Variants in ADARB2 observed in about 807,000 individuals in gnomAD.
The protein encoded by ADARB2 is adenosine deaminase RNA specific B2 (inactive), also known as inactive double-stranded RNA-specific editase B2.
In ADARB2, 25 loss-of-function variants were observed where a neutral mutation model predicts 62.2. The observed-to-expected ratio is 0.40, with a 90% confidence interval of 0.29 to 0.56. The LOEUF is 0.56. ADARB2 is among the 20% of genes least tolerant of loss of function. The pLI is 0.43. For synonymous variants in ADARB2, 572 were observed against 500.8 expected, an observed-to-expected ratio of 1.14 and a Z score of -1.90; for missense variants, 1,071 against 1,077.4, an observed-to-expected ratio of 0.99 and a Z score of 0.08.
intron 1 of ADARB2, among the ~76,000 whole-genome samples, chr10:1,384,673 C>T (rs1377075655): frequency 6.6e-6 from 1 of 152,208 alleles, no homozygotes; most frequent in Non-Finnish European, 1.5e-5. Flanking sequence ...AAGCTCTTTT[C>T]AGCAGTAGAA....
intron 3 of ADARB2, among the ~76,000 whole-genome samples, chr10:1,288,682 C>G (rs1831436215): frequency 6.6e-6 from 1 of 152,182 alleles, no homozygotes; most frequent in African/African-American, 2.4e-5. Flanking sequence ...CAAATGCTGC[C>G]TCTTAGATGA....
chr10:1,600,013 G>A (rs1032956629), intron 1 of ADARB2, among the ~76,000 whole-genome samples: 1 of 152,152 alleles, frequency 6.6e-6, no homozygotes, highest in Non-Finnish European at 1.5e-5. Flanking sequence ...CCAAAGTGCT[G>A]GGATTACAGA....
rs904957 is a variant in ADARB2 at position 1,182,356 on chromosome 10, G to A, written c.*837C>T. On this transcript the variant is annotated 3_prime_UTR_variant, in exon 10 of 10. Transcript: ENST00000381312. ...AACAGGCATGGGCCAGGTGTTTCCG[G>A]GCTCCCCACATCTGCAGCACGCGTG... 0.61 allele frequency: 63,794 copies of A among 105,408 alleles called. 25,638 individuals are homozygous for A. The highest frequency in any genetic ancestry group is 0.83 in the Middle Eastern group (184 of 222). The allele number at this position is 105,408 out of a possible 1,614,324, so 6.5% of individuals were successfully genotyped here. A position where few individuals can be genotyped will look rare whatever the true frequency, so the allele number is the denominator to read the frequency against.
chr10:1,410,267 G>A (rs1313092213), intron 1 of ADARB2, among the ~76,000 whole-genome samples: 29 of 134,898 alleles, frequency 2.1e-4, no homozygotes, highest in African/African-American at 1.1e-3. Context: ...AGGCCTGGCC[G>A]TGGTCATGGG....
Position 1,419,856 on chromosome 10 carries a change from T to C in ADARB2, c.101-40696A>G, listed in dbSNP as rs139903145. Among the ~76,000 whole-genome samples, 626 of 152,244 alleles carry C rather than the reference T, an allele frequency of 4.1e-3. 4 individuals carry two copies. The highest frequency in any genetic ancestry group is 7.4e-3 in the Non-Finnish European group (502 of 68,020). ...CATCTCTGCATATGTGTTTTAAGAG[T>C]CTTTAGATAAAAGATGAATCAAAGT... On this transcript the variant is annotated intron_variant, in intron 1 of 9. Coordinates refer to ENST00000381312, the MANE Select transcript of ADARB2 (RefSeq NM_018702.4).
intron 1 of ADARB2, among the ~76,000 whole-genome samples, chr10:1,579,687 C>A (rs1031677594): frequency 2.6e-5 from 4 of 152,178 alleles, no homozygotes; most frequent in African/African-American, 9.7e-5. Context: ...TTTAAATATG[C>A]TAGTTTATCA....
chr10:1,211,888 G>A (rs1350140982), intron 7 of ADARB2, among the ~76,000 whole-genome samples: 1 of 152,214 alleles, frequency 6.6e-6, no homozygotes, highest in Non-Finnish European at 1.5e-5. Flanking sequence ...ACTATATTTA[G>A]TTCTAAGTTT....
rs1428117101 is a variant in ADARB2 at position 1,737,227 on chromosome 10, C to CGCCGCT, written c.-83_-78dup. 6.7e-7 allele frequency: 1 copy of CGCCGCT among 1,488,688 alleles called. No individual in the cohort carries two copies. The highest frequency in any genetic ancestry group is 1.4e-5 in the African/African-American group (1 of 72,622). 92.2% of individuals were successfully genotyped at this position (1,488,688 alleles called of 1,614,324 possible). The stretch of plus-strand genomic sequence containing the variant: ...CTGCCTCCTTCCCGGCAGCCGCCGC[C>CGCCGCT]GCCGCTGCTGCGAAGCTTGAGGTTG... On this transcript the variant is annotated 5_prime_UTR_variant, in exon 1 of 10. Transcript: ENST00000381312.
intron 2 of ADARB2, among the ~76,000 whole-genome samples, chr10:1,364,868 G>A (rs1196184019): frequency 8.1e-6 from 1 of 123,370 alleles, no homozygotes; most frequent in Non-Finnish European, 1.6e-5. Context: ...TCACATTTTG[G>A]TAATTTTTTT....
At chr10:1,273,391 G>A (rs900413167) in intron 3 of ADARB2, among the ~76,000 whole-genome samples, 17 of 152,114 alleles carry the variant, frequency 1.1e-4, no homozygotes, top group Non-Finnish European at 1.9e-4. Context: ...CTCCCAAAGC[G>A]CTAGGATTAC....
chr10:1,439,425 C>T (rs1830875239), intron 1 of ADARB2, among the ~76,000 whole-genome samples: 1 of 133,986 alleles, frequency 7.5e-6, no homozygotes, highest in Non-Finnish European at 1.6e-5. Flanking sequence ...CAGAGGCAGG[C>T]TCCTCAGGAT....
chr10:1,244,968 G>A (rs1044904999), intron 4 of ADARB2, among the ~76,000 whole-genome samples: 8 of 152,216 alleles, frequency 5.3e-5, no homozygotes, highest in African/African-American at 1.2e-4. Flanking sequence ...AGTCACAGAC[G>A]CCTTGAGTAC....
At chr10:1,650,881 C>T (rs754426658) in intron 1 of ADARB2, among the ~76,000 whole-genome samples, 20 of 152,168 alleles carry the variant, frequency 1.3e-4, no homozygotes, top group Admixed American at 3.3e-4. Context: ...ACCAAAACCC[C>T]GCGTGTCCGA....
At chr10:1,645,214 G>A (rs566591201) in intron 1 of ADARB2, among the ~76,000 whole-genome samples, 51 of 152,336 alleles carry the variant, frequency 3.3e-4, no homozygotes, top group African/African-American at 1.1e-3. Flanking sequence ...CCAATAGCAC[G>A]ATTCGCTCCA....
intron 3 of ADARB2, among the ~76,000 whole-genome samples, chr10:1,330,578 G>C (rs1460268613): frequency 6.6e-6 from 1 of 152,176 alleles, no homozygotes; most frequent in African/African-American, 2.4e-5. Flanking sequence ...AAAGATGTTG[G>C]CTCTCACCAG....
intron 4 of ADARB2, 86 bp from the exon 5 acceptor site, chr10:1,242,385 G>C: frequency 7.0e-7 from 1 of 1,426,446 alleles, no homozygotes; most frequent in Non-Finnish European, 9.3e-7. Flanking sequence ...CACAACAGCG[G>C]TTTCCCTGGG....
At chr10:1,377,477 G>GGGTGCGCA (rs1832444147) in intron 2 of ADARB2, among the ~76,000 whole-genome samples, 1 of 142,374 alleles carries the variant, frequency 7.0e-6, no homozygotes, top group African/African-American at 2.7e-5. Context: ...CCTGGGGTGT[G>GGGTGCGCA]TGTGCGCATG....
rs368696112 is a variant in ADARB2 at position 1,187,589 on chromosome 10, C to T, written c.1865-2550G>A. 5.6e-4 allele frequency among the ~76,000 whole-genome samples: 85 copies of T among 152,370 alleles called. No individual in the cohort carries two copies. In the East Asian group the frequency reaches 9.8e-3, roughly 18 times the overall value. On this transcript the variant is annotated intron_variant, in intron 8 of 9. Transcript: ENST00000381312. Reference sequence around the variant, plus strand: ...CCTGTGCCCCTCTCCTTTCTCTTTGCGGAGGACGTTGTGGGCAAGTTGCTG... The same window carrying T: ...CCTGTGCCCCTCTCCTTTCTCTTTGTGGAGGACGTTGTGGGCAAGTTGCTG...
At chr10:1,562,363 G>C (rs1411394640) in intron 1 of ADARB2, among the ~76,000 whole-genome samples, 1 of 152,204 alleles carries the variant, frequency 6.6e-6, no homozygotes, top group African/African-American at 2.4e-5. Context: ...AGGACAAAGA[G>C]GTTAGGATCG....
Sources: gnomAD v4.1 joint callset for allele counts (sites outside exome capture counted in the v4.1 genomes callset) on GRCh38, gnomAD v4.1.1 for gene constraint, MANE v1.5 for transcripts, NCBI Gene and HGNC (gene_info 2026-07-23, HGNC 2026-07-21) for gene names.